The following ATPSCKMT variants were observed in gnomAD, a reference collection of about 807,000 sequenced individuals.
ATPSCKMT encodes ATP synthase c subunit lysine N-methyltransferase.
In ATPSCKMT, 24 loss-of-function variants were observed where a neutral mutation model predicts 24.3. The ratio of observed to expected loss-of-function variants is 0.99; its 90% CI spans 0.71 to 1.39. The LOEUF (loss-of-function observed/expected upper bound fraction) is 1.39, where lower values mean the gene tolerates loss of function less well. Ranked by LOEUF, ATPSCKMT falls within the 40% of genes most tolerant of loss-of-function variation. The pLI is 0.00. For synonymous variants in ATPSCKMT, 95 were observed against 110.5 expected (o/e 0.86, Z 0.88); for missense variants, 311 against 298.4 (o/e 1.04, Z -0.31).
At chr5:10,242,198 C>T (rs1484234502) in intron 1 of ATPSCKMT, among the ~76,000 whole-genome samples, 5 of 152,252 alleles carry the variant, frequency 3.3e-5, no homozygotes, top group South Asian at 2.1e-4. Flanking sequence ...GATTGCTCTG[C>T]GGCATGTGAT....
intron 4 of ATPSCKMT, 96 bp downstream of exon 4, chr5:10,235,115 G>T: frequency 1.9e-6 from 2 of 1,039,892 alleles, no homozygotes; most frequent in Non-Finnish European, 2.9e-6. Flanking sequence ...TCTCTGGGAG[G>T]CCATCACCCT....
Position 10,246,608 on chromosome 5 carries a change from T to C in ATPSCKMT, c.16+3250A>G, listed in dbSNP as rs533382603. Among the ~76,000 whole-genome samples the C allele has an allele frequency of 2.0e-5, 3 of 152,366 alleles. No individual in the cohort carries two copies. The South Asian group carries it at 6.2e-4, about 32-fold the overall frequency. ...TCAGTTCTTTATTTCTTTTTATGGC[T>C]TAATAATATTCCATTGTATGGATAT... is the stretch of plus-strand genomic sequence containing the variant. On this transcript the variant is annotated intron_variant, in intron 1 of 4. Coordinates refer to ENST00000511437, the MANE Select transcript of ATPSCKMT (RefSeq NM_199133.4).
At chr5:10,249,226 G>A (rs1223573874) in intron 1 of ATPSCKMT, among the ~76,000 whole-genome samples, 1 of 139,750 alleles carries the variant, frequency 7.2e-6, no homozygotes, top group African/African-American at 2.7e-5. Context: ...CCGAGACCGC[G>A]CCACTGCACT....
chr5:10,239,445 A>T, intron 1 of ATPSCKMT, 89 bp from the exon 2 acceptor site: 1 of 1,151,764 alleles, frequency 8.7e-7, no homozygotes, highest in Non-Finnish European at 1.2e-6. Context: ...ATTGGCAAAC[A>T]AACTCATGCT....
chr5:10,235,422 A>C (rs1414509731), intron 3 of ATPSCKMT, among the ~76,000 whole-genome samples, 161 bp from the exon 4 acceptor site: 1 of 152,230 alleles, frequency 6.6e-6, no homozygotes, highest in Admixed American at 6.5e-5. Flanking sequence ...CACAAGGAAA[A>C]GAATAACATG....
At chr5:10,237,770 G>A (rs530762552) in intron 2 of ATPSCKMT, among the ~76,000 whole-genome samples, 5 of 149,690 alleles carry the variant, frequency 3.3e-5, no homozygotes, top group Admixed American at 3.3e-4. Context: ...TTTTTGAGAT[G>A]GAGTCTCGCT....
chr5:10,229,992 A>G (rs1423748347), intron 4 of ATPSCKMT, among the ~76,000 whole-genome samples: 4 of 152,234 alleles, frequency 2.6e-5, no homozygotes, highest in African/African-American at 9.6e-5. Flanking sequence ...TTTCTCAAAG[A>G]TTCCTGGTTC....
intron 4 of ATPSCKMT, among the ~76,000 whole-genome samples, chr5:10,228,210 A>G (rs1162083778): frequency 6.6e-6 from 1 of 152,220 alleles, no homozygotes; most frequent in African/African-American, 2.4e-5. Flanking sequence ...TTGTCTTAGA[A>G]TTATAATTAG....
At chr5:10,236,887 T>A in intron 2 of ATPSCKMT, 1 of 1,419,522 alleles carries the variant, frequency 7.0e-7, no homozygotes, top group Non-Finnish European at 9.3e-7. Flanking sequence ...CCTCCATAAT[T>A]GATTCTAGGT....
At chr5:10,239,440 C>T in intron 1 of ATPSCKMT, 84 bp from the exon 2 acceptor site, 1 of 1,174,172 alleles carries the variant, frequency 8.5e-7, no homozygotes, top group Admixed American at 2.4e-5. Flanking sequence ...TTCTCATTGG[C>T]AAACAAACTC....
At chr5:10,244,947 C>T (rs1362402023) in intron 1 of ATPSCKMT, among the ~76,000 whole-genome samples, 1 of 151,036 alleles carries the variant, frequency 6.6e-6, no homozygotes, top group Non-Finnish European at 1.5e-5. Flanking sequence ...CACATTTGTA[C>T]ATGTGTCATG....
intron 1 of ATPSCKMT, 148 bp downstream of exon 1, chr5:10,249,710 G>C: frequency 7.8e-7 from 1 of 1,286,140 alleles, no homozygotes; most frequent in Non-Finnish European, 1.0e-6. Flanking sequence ...CAGGAGCTCT[G>C]GTCACCGAAG....
rs1433593186 is a variant in ATPSCKMT, at chr5:10,235,131, G to A, written c.495+80C>T. The A allele has an allele frequency of 3.0e-5, 39 of 1,311,478 alleles. No individual in the cohort carries two copies. In the South Asian group the frequency reaches 3.9e-4, roughly 13 times the overall value. The allele number at this position is 1,311,478 out of a possible 1,614,324, so 81.2% of individuals were successfully genotyped here. A position where few individuals can be genotyped will look rare whatever the true frequency, so the allele number is the denominator to read the frequency against. ...CTCTGGGAGGCCATCACCCTCACAC[G>A]GGTGAGTGGTGGTGTTGTGGCTGGA... On this transcript the variant is annotated intron_variant, in intron 4 of 4. Coordinates refer to ENST00000511437, the MANE Select transcript of ATPSCKMT (RefSeq NM_199133.4).
chr5:10,227,352 A>C lies in ATPSCKMT; in HGVS notation c.*89T>G. 1 of 1,370,636 alleles carries C rather than the reference A, an allele frequency of 7.3e-7. No individual in the cohort carries two copies. The highest frequency in any genetic ancestry group is 1.0e-6 in the Non-Finnish European group (1 of 984,058). The allele number at this position is 1,370,636 out of a possible 1,614,324, so 84.9% of individuals were successfully genotyped here. On this transcript the variant is annotated 3_prime_UTR_variant, in exon 5 of 5. Transcript: ENST00000511437. ...TAATTTCTCATTCCAAACCAAAGAC[A>C]ATTATGCTCCTTTGCTAAGGACACA...
chr5:10,245,292 C>T (rs1744861526), intron 1 of ATPSCKMT, among the ~76,000 whole-genome samples: 1 of 151,890 alleles, frequency 6.6e-6, no homozygotes, highest in African/African-American at 2.4e-5. Flanking sequence ...TGGTGGTGGG[C>T]GCCTGTAGTC....
chr5:10,236,835 C>T (rs1237674246), intron 2 of ATPSCKMT: 2 of 1,481,192 alleles, frequency 1.4e-6, no homozygotes, highest in East Asian at 2.7e-5. Context: ...TTAAAGACTT[C>T]ACCTCAAGTA....
chr5:10,239,097 A>G lies in ATPSCKMT; in HGVS notation c.276T>C (p.Leu92=). The G allele has an allele frequency of 6.2e-7, 1 of 1,614,226 alleles. No individual in the cohort carries two copies. Among genetic ancestry groups the G allele is most frequent in the Non-Finnish European group, 8.5e-7 (1 of 1,180,052 alleles). Residue 92 remains leucine, a synonymous_variant, in exon 2 of 5, where the codon CTT becomes CTC. Coordinates refer to ENST00000511437, the MANE Select transcript of ATPSCKMT (RefSeq NM_199133.4). ...GTCCGTCCCCACTACCGATGTCCACAAGGGATCCTCTTCGGCATCGCAACA... is the reference window on the plus strand; with the variant it reads ...GTCCGTCCCCACTACCGATGTCCACGAGGGATCCTCTTCGGCATCGCAACA... ...VKMLRCRRGS[L]VDIGSGDGRI... is the part of the protein sequence containing the mutation.
rs746766945 is a variant in ATPSCKMT at position 10,249,860 on chromosome 5, C to T, written c.14G>A (p.Gly5Glu). The change falls in exon 1 of 5, where the codon GGA (glycine) becomes GAA (glutamate). Residue 5 changes from glycine (G) to glutamate (E), a missense_variant and splice_region_variant. By Grantham distance (98) the Gly-to-Glu change is moderately conservative. Transcript: ENST00000511437. ...CCGCCAAGCCGCTCCAGCCTCACCT[C>T]CTCCTCCCTCCATCGCGAGATTTCC... is the stretch of plus-strand genomic sequence containing the variant. MEGG[G>E]GIPLETLKEE... 20 of 1,556,978 alleles carry T rather than the reference C, an allele frequency of 1.3e-5. No homozygotes were observed. Among genetic ancestry groups the T allele is most frequent in the Middle Eastern group, 2.4e-4 (1 of 4,172 alleles).
intron 1 of ATPSCKMT, chr5:10,249,632 A>C (rs1745198528): frequency 1.6e-6 from 1 of 636,008 alleles, no homozygotes; most frequent in East Asian, 3.0e-5. Flanking sequence ...AGTAGCCTAG[A>C]ACAGTCTCTG....
Sources: gnomAD v4.1 joint callset for allele counts (sites outside exome capture counted in the v4.1 genomes callset) on GRCh38, gnomAD v4.1.1 for gene constraint, MANE v1.5 for transcripts, NCBI Gene and HGNC (gene_info 2026-07-23, HGNC 2026-07-21) for gene names.